The following GPM6B variants were observed in gnomAD, a reference collection of about 807,000 sequenced individuals.
GPM6B encodes neuronal membrane glycoprotein M6-b.
A neutral mutation model predicts 27.2 loss-of-function variants in GPM6B; 4 were observed. The observed-to-expected ratio is 0.15, with a 90% CI of 0.07 to 0.34. The LOEUF (loss-of-function observed/expected upper bound fraction) is 0.34. GPM6B is among the 10% of genes least tolerant of loss of function. The pLI is 1.00. For missense variants in GPM6B, 183 were observed against 261.9 expected (o/e 0.70, Z 2.08); for synonymous variants, 124 against 103.1 (o/e 1.20, Z -1.23).
intron 1 of GPM6B, among the ~76,000 whole-genome samples, chrX:13,809,755 G>A (rs2049090295): frequency 9.0e-6 from 1 of 110,870 alleles, no homozygotes; most frequent in African/African-American, 3.3e-5. Context: ...TGGCCAACAT[G>A]GTGAAACCCT....
intron 2 of GPM6B, among the ~76,000 whole-genome samples, chrX:13,792,756 T>A (rs2048736437): frequency 9.0e-6 from 1 of 110,564 alleles, no homozygotes; most frequent in African/African-American, 3.3e-5. Context: ...AAAAATTAGC[T>A]GGGTGTGGTG....
At chrX:13,920,621 GT>G (rs1386659371) in intron 1 of GPM6B, among the ~76,000 whole-genome samples, 3 of 111,860 alleles carry the variant, frequency 2.7e-5, no homozygotes, top group Non-Finnish European at 5.6e-5. Context: ...GCCGGGTGCA[GT>G]GGCTCACGCC....
upstream of GPM6B, among the ~76,000 whole-genome samples, chrX:13,818,917 G>C (rs1181618455): frequency 8.9e-6 from 1 of 112,390 alleles, no homozygotes; most frequent in Non-Finnish European, 1.9e-5. Flanking sequence ...AGAGGACACT[G>C]TGATTAGCTG....
At chrX:13,837,190 A>G (rs1286326592) in intron 1 of GPM6B, among the ~76,000 whole-genome samples, 1 of 103,145 alleles carries the variant, frequency 9.7e-6, no homozygotes, top group Non-Finnish European at 2.0e-5. Flanking sequence ...CTTTGAAGGG[A>G]TATGTATCTA....
At chrX:13,863,740 G>C (rs778817330) in intron 1 of GPM6B, among the ~76,000 whole-genome samples, 1 of 112,157 alleles carries the variant, frequency 8.9e-6, no homozygotes, top group East Asian at 2.8e-4. Flanking sequence ...CAGAAAGACT[G>C]CCTTGTGATA....
chrX:13,931,099 G>A (rs900993965), intron 1 of GPM6B, among the ~76,000 whole-genome samples: 3 of 111,589 alleles, frequency 2.7e-5, no homozygotes, highest in Admixed American at 9.5e-5. Flanking sequence ...CAGGAGAATC[G>A]CTTGGACCCA....
chrX:13,824,330 G>A (rs911385034), intron 1 of GPM6B, among the ~76,000 whole-genome samples: 8 of 112,338 alleles, frequency 7.1e-5, no homozygotes, highest in Admixed American at 3.8e-4. Context: ...ATCAGCAAAT[G>A]GTTCTCAGGC....
chrX:13,912,690 C>T (rs762080733), intron 1 of GPM6B, among the ~76,000 whole-genome samples: 1 of 111,856 alleles, frequency 8.9e-6, no homozygotes, highest in South Asian at 3.7e-4. Context: ...ATAGTTGGGG[C>T]ACTTAGCTTA....
At chrX:13,819,333 G>T (rs2049282578), upstream of GPM6B, among the ~76,000 whole-genome samples, 1 of 112,075 alleles carries the variant, frequency 8.9e-6, no homozygotes, top group South Asian at 3.7e-4. Flanking sequence ...ATTGTCAAGA[G>T]GAAGAGAGAA....
At chrX:13,838,316 T>C (rs2049530997) in intron 1 of GPM6B, among the ~76,000 whole-genome samples, 1 of 111,594 alleles carries the variant, frequency 9.0e-6, no homozygotes. Context: ...TGAAAGGTCA[T>C]AAAAACAAAA....
At chrX:13,916,916 A>G (rs1301671732) in intron 1 of GPM6B, among the ~76,000 whole-genome samples, 1 of 111,714 alleles carries the variant, frequency 9.0e-6, no homozygotes, top group Non-Finnish European at 1.9e-5. Flanking sequence ...CCCATGAATT[A>G]TCAACAAACA....
chrX:13,843,226 T>C (rs2049602161), intron 1 of GPM6B, among the ~76,000 whole-genome samples: 1 of 112,157 alleles, frequency 8.9e-6, no homozygotes, highest in Non-Finnish European at 1.9e-5. Flanking sequence ...CTGGAGTCTT[T>C]TACTTAATGT....
chrX:13,799,638 C>T (rs1269284410), intron 2 of GPM6B, among the ~76,000 whole-genome samples: 1 of 110,242 alleles, frequency 9.1e-6, no homozygotes, highest in Non-Finnish European at 1.9e-5. Context: ...ATAAAGTGAT[C>T]ATCATTCAAC....
At chrX:13,869,180 T>G (rs945713767) in intron 1 of GPM6B, among the ~76,000 whole-genome samples, 2 of 112,255 alleles carry the variant, frequency 1.8e-5, no homozygotes, top group Non-Finnish European at 3.8e-5. Flanking sequence ...TGCTACCACA[T>G]GGATAAACCT....
chrX:13,838,651 G>A (rs1029560669), intron 1 of GPM6B, among the ~76,000 whole-genome samples: 3 of 111,981 alleles, frequency 2.7e-5, no homozygotes, highest in Non-Finnish European at 3.8e-5. Flanking sequence ...CACCAGCTGG[G>A]GGCTGAGCTA....
chrX:13,857,902 T>C (rs1046250905), intron 1 of GPM6B, among the ~76,000 whole-genome samples: 1 of 112,475 alleles, frequency 8.9e-6, no homozygotes, highest in Non-Finnish European at 1.9e-5. Flanking sequence ...GTATGAGCAA[T>C]ACCGCAATAA....
chrX:13,821,153 T>C (rs2049302304), upstream of GPM6B, among the ~76,000 whole-genome samples: 1 of 111,323 alleles, frequency 9.0e-6, no homozygotes, highest in African/African-American at 3.3e-5. Flanking sequence ...CTTTGGAACT[T>C]CTGTGAGAAG....
intron 1 of GPM6B, among the ~76,000 whole-genome samples, chrX:13,874,124 G>A (rs1301121455): frequency 8.9e-6 from 1 of 111,742 alleles, no homozygotes; most frequent in Non-Finnish European, 1.9e-5. Context: ...AAAGACATTA[G>A]GAGGCAGTCA....
At chrX:13,779,778 A>C in intron 5 of GPM6B, 40 bp downstream of exon 5, 1 of 1,085,258 alleles carries the variant, frequency 9.2e-7, no homozygotes, top group African/African-American at 1.8e-5. Context: ...ACGAGAGGAT[A>C]ATGAAATAAC....
Sources: gnomAD v4.1 joint callset for allele counts (sites outside exome capture counted in the v4.1 genomes callset) on GRCh38, gnomAD v4.1.1 for gene constraint, MANE v1.5 for transcripts, NCBI Gene and HGNC (gene_info 2026-07-23, HGNC 2026-07-21) for gene names.